Variants in CALN1 observed in about 807,000 individuals in gnomAD.
CALN1 encodes calneuron 1, also known as calcium-binding protein 8.
In CALN1, 17 loss-of-function variants were observed where a neutral mutation model predicts 30.6. The observed-to-expected ratio is 0.56, with a 90% CI of 0.38 to 0.83. The LOEUF is 0.83. Ranked by LOEUF, CALN1 falls within the 40% of genes least tolerant of loss-of-function variation. The pLI, the probability that CALN1 is intolerant of heterozygous loss-of-function variation, is 0.00. For synonymous variants in CALN1, 156 were observed against 131.4 expected, an observed-to-expected ratio of 1.19 and a Z score of -1.28; for missense variants, 291 against 354.9, an observed-to-expected ratio of 0.82 and a Z score of 1.45.
At chr7:72,403,194 C>T in intron 2 of CALN1, 57 bp downstream of exon 2, 1 of 1,411,808 alleles carries the variant, frequency 7.1e-7, no homozygotes, top group African/African-American at 1.4e-5. Context: ...CGCGCCACCC[C>T]CTACCTGAGG....
chr7:72,435,540 T>C (rs1030125867), intron 1 of CALN1, among the ~76,000 whole-genome samples: 1 of 152,116 alleles, frequency 6.6e-6, no homozygotes, highest in African/African-American at 2.4e-5. Context: ...GGGACCACAA[T>C]TGCAGCCCCG....
chr7:72,387,031 G>C lies in CALN1; in HGVS notation c.119+16220C>G, dbSNP rs941393242. Among the ~76,000 whole-genome samples the C allele has an allele frequency of 3.3e-5, 5 of 151,500 alleles. No individual in the cohort carries two copies. The East Asian group carries it at 9.7e-4, about 29-fold the overall frequency. On this transcript the variant is annotated intron_variant, in intron 2 of 6. Transcript: ENST00000395275. ...GAGCCTGGAACATCTTTCAGTGCCAGAAAGAAAGTTCTCAAAACACAGGAG... is the reference window on the plus strand; with the variant it reads ...GAGCCTGGAACATCTTTCAGTGCCACAAAGAAAGTTCTCAAAACACAGGAG...
At chr7:71,796,270 G>C (rs984662383) in intron 6 of CALN1, among the ~76,000 whole-genome samples, 1 of 151,578 alleles carries the variant, frequency 6.6e-6, no homozygotes, top group Non-Finnish European at 1.5e-5. Flanking sequence ...CCATGCACAT[G>C]TTTACATGTC....
chr7:72,410,790 C>A (rs1237707094), intron 1 of CALN1, among the ~76,000 whole-genome samples: 2 of 151,404 alleles, frequency 1.3e-5, no homozygotes, highest in African/African-American at 2.4e-5. Context: ...TATCAGCTCA[C>A]GAGCCAGCAC....
the CALN1 span, among the ~76,000 whole-genome samples, chr7:72,468,476 G>C: frequency 6.6e-6 from 1 of 152,084 alleles, no homozygotes; most frequent in South Asian, 2.1e-4. Flanking sequence ...AACACTACCG[G>C]TTAATTTTTG....
intron 5 of CALN1, among the ~76,000 whole-genome samples, chr7:71,911,884 G>A (rs957292949): frequency 3.9e-5 from 6 of 152,072 alleles, no homozygotes; most frequent in African/African-American, 1.2e-4. Context: ...ACGAAGATGA[G>A]TTTCCATCAG....
the CALN1 span, among the ~76,000 whole-genome samples, chr7:72,501,964 TATAA>T: frequency 0.015 from 1,765 of 114,560 alleles, 67 homozygotes; most frequent in African/African-American, 0.019. Flanking sequence ...CATATATATA[TATAA>T]ATATATATAC....
rs184709768 is a variant in CALN1 at position 72,222,357 on chromosome 7, A to G, written c.244+56329T>C. 2.3e-4 allele frequency among the ~76,000 whole-genome samples: 35 copies of G among 152,330 alleles called. 1 individual carries two copies. The highest frequency in any genetic ancestry group is 4.6e-4 in the Non-Finnish European group (31 of 68,040). ...CTGGCCAGGCCTCAGGAAACTTGCA[A>G]TCATGGCAGAAGGCAAGGGGGAAAG... On this transcript the variant is annotated intron_variant, in intron 3 of 6. Transcript: ENST00000395275.
At chr7:72,294,868 A>G (rs1029868274) in intron 2 of CALN1, among the ~76,000 whole-genome samples, 24 of 152,136 alleles carry the variant, frequency 1.6e-4, no homozygotes, top group Non-Finnish European at 7.3e-5. Context: ...AACAAAAAGG[A>G]TATGAAGAAA....
At chr7:72,435,078 T>A (rs942915388) in intron 1 of CALN1, among the ~76,000 whole-genome samples, 18 of 151,954 alleles carry the variant, frequency 1.2e-4, no homozygotes, top group African/African-American at 1.7e-4. Context: ...ATGGTTTTTT[T>A]AAAAAAATTA....
rs183423686 is a variant in CALN1 at position 72,390,247 on chromosome 7, C to T, written c.119+13004G>A. On this transcript the variant is annotated intron_variant, in intron 2 of 6. Transcript: ENST00000395275. ...AGTCCCAGACCAGCCTGGCCAACGT[C>T]GTGAAACACCACCTCTACTAAAAAT... 6.9e-4 allele frequency among the ~76,000 whole-genome samples: 105 copies of T among 151,944 alleles called. 2 individuals carry two copies. Among genetic ancestry groups the T allele is most frequent in the African/African-American group, 2.4e-3 (99 of 41,370 alleles).
intron 3 of CALN1, among the ~76,000 whole-genome samples, chr7:72,234,689 G>A (rs780631100): frequency 1.3e-5 from 2 of 152,042 alleles, no homozygotes; most frequent in Non-Finnish European, 2.9e-5. Context: ...CAAGTGATCC[G>A]CCCGCCTTGG....
At chr7:72,237,949 G>C (rs1794580631) in intron 3 of CALN1, among the ~76,000 whole-genome samples, 1 of 152,186 alleles carries the variant, frequency 6.6e-6, no homozygotes, top group East Asian at 1.9e-4. Context: ...TAAAGGACAA[G>C]GGTTTTGGCA....
chr7:71,836,946 C>G (rs1001667423), intron 5 of CALN1, among the ~76,000 whole-genome samples: 8 of 150,278 alleles, frequency 5.3e-5, no homozygotes, highest in Non-Finnish European at 1.5e-5. Flanking sequence ...AAACAAGAGC[C>G]ACTGGCCAGG....
chr7:72,096,074 T>TAGAC (rs1274257916), intron 4 of CALN1, among the ~76,000 whole-genome samples: 6 of 151,588 alleles, frequency 4.0e-5, no homozygotes, highest in Non-Finnish European at 8.8e-5. Context: ...GATAGATAGA[T>TAGAC]AGATAGATAG....
chr7:72,079,809 C>T (rs959713494), intron 4 of CALN1, among the ~76,000 whole-genome samples: 5 of 133,714 alleles, frequency 3.7e-5, no homozygotes, highest in African/African-American at 1.2e-4. Flanking sequence ...CTCACTCCGT[C>T]GCCCAGGCTG....
chr7:71,828,427 C>T (rs1005848989), intron 5 of CALN1, among the ~76,000 whole-genome samples: 1 of 152,104 alleles, frequency 6.6e-6, no homozygotes, highest in East Asian at 1.9e-4. Context: ...CTGGATTATG[C>T]GGATAGACCC....
At chr7:72,278,935 T>G in intron 2 of CALN1, 125 bp from the exon 3 acceptor site, 5 of 1,320,108 alleles carry the variant, frequency 3.8e-6, no homozygotes, top group African/African-American at 1.5e-5. Flanking sequence ...GTAATATTTC[T>G]AGTGGGAAAG....
chr7:71,989,235 C>T (rs867841925), intron 5 of CALN1, among the ~76,000 whole-genome samples: 7 of 151,994 alleles, frequency 4.6e-5, no homozygotes, highest in Admixed American at 4.6e-4. Flanking sequence ...GTCACGAGTT[C>T]GAGAGGAGCC....
Sources: gnomAD v4.1 joint callset for allele counts (sites outside exome capture counted in the v4.1 genomes callset) on GRCh38, gnomAD v4.1.1 for gene constraint, MANE v1.5 for transcripts, NCBI Gene and HGNC (gene_info 2026-07-23, HGNC 2026-07-21) for gene names.